The following HEBP1 variants were observed in gnomAD, a reference collection of about 807,000 sequenced individuals.
The protein encoded by HEBP1 is heme binding protein 1.
A neutral mutation model predicts 20.4 loss-of-function variants in HEBP1; 13 were observed. The ratio of observed to expected loss-of-function variants is 0.64; its 90% CI spans 0.42 to 1.01. The LOEUF is 1.01. Among genes scored for constraint, HEBP1 ranks in the 50% least tolerant of loss-of-function variants. The pLI is 0.00. For missense variants in HEBP1, 241 were observed against 247.3 expected, an observed-to-expected ratio of 0.97 and a Z score of 0.17; for synonymous variants, 92 against 90.7, an observed-to-expected ratio of 1.01 and a Z score of -0.08.
In HEBP1 at chr12:12,996,271, A is replaced by G. The variant is rs948740243; in HGVS notation, c.78+3766T>C. On this transcript the variant is annotated intron_variant, in intron 1 of 3. Coordinates refer to ENST00000014930, the MANE Select transcript of HEBP1 (RefSeq NM_015987.5). This position sits in a 1 kb window ranked among gnomAD's most constrained non-coding sequence, Gnocchi z 4.1. ...GGTGAATAGTGGAGCCAGGACTCAA[A>G]GCCAGGCTATCAGGTCCTAACCTGT... 1.3e-5 allele frequency among the ~76,000 whole-genome samples: 2 copies of G among 152,238 alleles called. No homozygotes were observed. The highest frequency in any genetic ancestry group is 4.8e-5 in the African/African-American group (2 of 41,460).
chr12:13,000,001 C>G, intron 1 of HEBP1, 36 bp downstream of exon 1: 1 of 1,484,716 alleles, frequency 6.7e-7, no homozygotes, highest in Non-Finnish European at 9.3e-7. Context: ...TGGGAGGCAG[C>G]AATCCTTCAG....
chr12:12,987,606 C>CTCTCTCTCTCTT (rs1449396761), intron 2 of HEBP1, among the ~76,000 whole-genome samples: 1 of 133,268 alleles, frequency 7.5e-6, no homozygotes, highest in Admixed American at 7.5e-5. Flanking sequence ...CTCTCTCTCT[C>CTCTCTCTCTCTT]TCTCTTTCTC....
chr12:12,983,944 G>A (rs1211952312), intron 3 of HEBP1: 2 of 321,160 alleles, frequency 6.2e-6, no homozygotes, highest in East Asian at 1.6e-4. Context: ...TGTGTCAAAA[G>A]GACCAACAAA....
At chr12:12,995,975 G>A (rs111647937) in intron 1 of HEBP1, among the ~76,000 whole-genome samples, 13 of 152,346 alleles carry the variant, frequency 8.5e-5, no homozygotes, top group Admixed American at 6.5e-5. Context: ...GGATTTGTAA[G>A]TCCTTTGAAA....
rs1010419799 is a variant in HEBP1, at chr12:12,986,291, A to C, written c.398+861T>G. The stretch of plus-strand genomic sequence containing the variant: ...AGAACATTGACACAGCTCCGGGGAA[A>C]ATGGTCCCACCATCAGGTTCAGGGT... On this transcript the variant is annotated intron_variant, in intron 3 of 3. Coordinates refer to ENST00000014930, the MANE Select transcript of HEBP1 (RefSeq NM_015987.5). This position sits in a 1 kb window ranked among gnomAD's most constrained non-coding sequence, Gnocchi z 4.3. 3.9e-5 allele frequency: 6 copies of C among 152,412 alleles called. No homozygotes were observed. Among genetic ancestry groups the C allele is most frequent in the African/African-American group, 1.4e-4 (6 of 41,454 alleles). 9.4% of individuals were successfully genotyped at this position (152,412 alleles called of 1,614,324 possible).
At position 12,975,250 on chromosome 12, in the gene HEBP1, C is replaced by T. The variant is rs1240868639; in HGVS notation, c.*58G>A. The T allele has an allele frequency of 1.3e-6, 2 of 1,533,442 alleles. No individual in the cohort carries two copies. Among genetic ancestry groups the T allele is most frequent in the African/African-American group, 2.7e-5 (2 of 73,030 alleles). 95.0% of individuals were successfully genotyped at this position (1,533,442 alleles called of 1,614,324 possible). ...TTGGGAAGCACTGTCCCCTCCTTAC[C>T]CCCGAGGAAGGAGACACAGAGGCAC... On this transcript the variant is annotated 3_prime_UTR_variant, in exon 4 of 4. Transcript: ENST00000014930.
At chr12:12,980,386 T>A (rs1049246970) in intron 3 of HEBP1, 2 of 152,134 alleles carry the variant, frequency 1.3e-5, no homozygotes, top group African/African-American at 4.8e-5. Context: ...GGAATGAAGG[T>A]GGAAGGTACA....
Position 12,986,311 on chromosome 12 carries a change from C to T in HEBP1, c.398+841G>A, listed in dbSNP as rs1864151990. 6.6e-6 allele frequency: 1 copy of T among 152,426 alleles called. No homozygotes were observed. The highest frequency in any genetic ancestry group is 6.5e-5 in the Admixed American group (1 of 15,284). 9.4% of individuals were successfully genotyped at this position (152,426 alleles called of 1,614,324 possible). On this transcript the variant is annotated intron_variant, in intron 3 of 3. Coordinates refer to ENST00000014930, the MANE Select transcript of HEBP1 (RefSeq NM_015987.5). The surrounding 1 kb of genome is among the most constrained non-coding windows in gnomAD (Gnocchi z 4.3). ...GGGAAAATGGTCCCACCATCAGGTT[C>T]AGGGTTGCAGCAGGGCAGCCAAGTT...
intron 1 of HEBP1, among the ~76,000 whole-genome samples, chr12:12,995,063 C>T (rs1242841702): frequency 6.6e-6 from 1 of 152,196 alleles, no homozygotes; most frequent in Admixed American, 6.5e-5. Flanking sequence ...TCCTTTGATG[C>T]CATGGTCATT....
intron 3 of HEBP1, among the ~76,000 whole-genome samples, chr12:12,982,103 G>A (rs1441921108): frequency 6.6e-6 from 1 of 152,200 alleles, no homozygotes; most frequent in Non-Finnish European, 1.5e-5. Context: ...AATTACAGAT[G>A]TCAGCCACTG....
chr12:12,992,119 A>C (rs988462784), intron 1 of HEBP1, among the ~76,000 whole-genome samples: 1 of 152,108 alleles, frequency 6.6e-6, no homozygotes, highest in Non-Finnish European at 1.5e-5. Context: ...AGAGGGTGTG[A>C]CTCCCAGGGG....
chr12:12,975,998 A>G (rs374507108), intron 3 of HEBP1, among the ~76,000 whole-genome samples: 2 of 145,080 alleles, frequency 1.4e-5, no homozygotes, highest in South Asian at 4.8e-4. Context: ...CTAGTGACTG[A>G]GTTCATCACA....
intron 2 of HEBP1, 91 bp downstream of exon 2, chr12:12,989,186 T>C (rs1357592949): frequency 7.1e-7 from 1 of 1,404,708 alleles, no homozygotes; most frequent in Non-Finnish European, 1.0e-6. Context: ...ACAGGTGCCT[T>C]GTAGCCCCTC....
chr12:12,993,096 CTCTG>C (rs1220884376), intron 1 of HEBP1, among the ~76,000 whole-genome samples: 7 of 152,176 alleles, frequency 4.6e-5, no homozygotes, highest in East Asian at 1.9e-4. Flanking sequence ...TCTTTCCTCT[CTCTG>C]TCTTTCTTTT....
At chr12:12,978,363 C>T (rs1332366921) in intron 3 of HEBP1, among the ~76,000 whole-genome samples, 1 of 151,762 alleles carries the variant, frequency 6.6e-6, no homozygotes, top group East Asian at 1.9e-4. Context: ...GGCACACGCC[C>T]AGCTAATTTT....
In HEBP1 at chr12:12,975,216, A is replaced by C. The variant is rs1349793410; in HGVS notation, c.*92T>G. ...GGAAAGTTGGTTAAGTTGGACTTGC[A>C]GCTGGAACTTGGGAAGCACTGTCCC... On this transcript the variant is annotated 3_prime_UTR_variant, in exon 4 of 4. Coordinates refer to ENST00000014930, the MANE Select transcript of HEBP1 (RefSeq NM_015987.5). The C allele has an allele frequency of 2.4e-6, 3 of 1,241,992 alleles. No homozygotes were observed. The highest frequency in any genetic ancestry group is 3.4e-6 in the Non-Finnish European group (3 of 881,698). The allele number at this position is 1,241,992 out of a possible 1,614,324, so 76.9% of individuals were successfully genotyped here. A position where few individuals can be genotyped will look rare whatever the true frequency, so the allele number is the denominator to read the frequency against.
At chr12:12,994,067 T>C (rs1201381877) in intron 1 of HEBP1, among the ~76,000 whole-genome samples, 1 of 152,236 alleles carries the variant, frequency 6.6e-6, no homozygotes, top group East Asian at 1.9e-4. Flanking sequence ...GAGATTAATA[T>C]GATAGGGATA....
chr12:12,982,269 A>C (rs1474696985), intron 3 of HEBP1, among the ~76,000 whole-genome samples: 5 of 152,230 alleles, frequency 3.3e-5, no homozygotes, highest in Non-Finnish European at 7.3e-5. Context: ...GCAAAGCAAA[A>C]TAAAGCTGGA....
intron 2 of HEBP1, 29 bp downstream of exon 2, chr12:12,989,247 AC>A: frequency 6.2e-7 from 1 of 1,612,048 alleles, no homozygotes; most frequent in East Asian, 2.2e-5. Context: ...GGTCCCCGAG[AC>A]CAGAGCCACA....
Sources: allele counts gnomAD v4.1 joint callset (sites outside exome capture counted in the v4.1 genomes callset), GRCh38; gene constraint gnomAD v4.1.1; non-coding constraint Gnocchi (gnomAD v3.1); transcripts MANE v1.5; gene names NCBI Gene and HGNC (gene_info 2026-07-23, HGNC 2026-07-21).